TRAP1: variants seen among roughly 807,000 people sequenced by gnomAD.
TRAP1 encodes the protein TNF receptor associated protein 1.
Under a neutral mutation model 89.1 loss-of-function variants are expected in TRAP1, and 102 were observed. That is an observed-to-expected ratio of 1.15 (90% CI 0.98 to 1.35). The LOEUF is 1.35. Among genes scored for constraint, TRAP1 ranks in the 40% most tolerant of loss-of-function variants. TRAP1 has a pLI of 0.00. For synonymous variants in TRAP1, 508 were observed against 388.0 expected, an observed-to-expected ratio of 1.31 and a Z score of -3.64; for missense variants, 1,256 against 945.3, an observed-to-expected ratio of 1.33 and a Z score of -4.31.
Position 3,676,049 on chromosome 16 carries a change from C to T in TRAP1, c.801G>A (p.Glu267=). Residue 267 remains glutamate, a synonymous_variant, in exon 7 of 18, where the codon GAG becomes GAA. Coordinates refer to ENST00000246957, the MANE Select transcript of TRAP1 (RefSeq NM_016292.3). Reference sequence around the variant, plus strand: ...GCTCCCGCTCACCTCGCACCCGGGCCTCGCTGGAAAACTCCTTGCAGTCGG... The same window carrying T: ...GCTCCCGCTCACCTCGCACCCGGGCTTCGCTGGAAAACTCCTTGCAGTCGG... ...LKSDCKEFSS[E]ARVRDVVTKY... is the part of the protein sequence containing the mutation. 6.2e-7 allele frequency: 1 copy of T among 1,613,708 alleles called. No homozygotes were observed. The highest frequency in any genetic ancestry group is 8.5e-7 in the Non-Finnish European group (1 of 1,179,832).
rs1437513612 is a variant in TRAP1 at position 3,663,437 on chromosome 16, C to T, written c.1695G>A (p.Glu565=). 5 of 1,614,008 alleles carry T rather than the reference C, an allele frequency of 3.1e-6. No homozygotes were observed. Among genetic ancestry groups the T allele is most frequent in the Non-Finnish European group, 4.2e-6 (5 of 1,180,014 alleles). Residue 565 remains glutamate (E), a synonymous_variant, in exon 14 of 18, where the codon GAG becomes GAA. Transcript: ENST00000246957. The part of the protein sequence containing the change: ...VVDHYKEEKF[E]DRSPAAECLS... Reference sequence around the variant, plus strand: ...GGGGATGCCGACCTGGGGACCTGTCCTCAAACTTCTCCTCCTTGTAGTGAT... The same window carrying T: ...GGGGATGCCGACCTGGGGACCTGTCTTCAAACTTCTCCTCCTTGTAGTGAT...
intron 1 of TRAP1, among the ~76,000 whole-genome samples, chr16:3,705,931 G>A (rs973949119): frequency 2.0e-5 from 3 of 151,052 alleles, no homozygotes; most frequent in African/African-American, 4.9e-5. Context: ...GACCTCAGGT[G>A]ATCGGCCCAC....
At chr16:3,685,127 AG>A (rs1156652168) in intron 4 of TRAP1, among the ~76,000 whole-genome samples, 1 of 152,210 alleles carries the variant, frequency 6.6e-6, no homozygotes, top group Non-Finnish European at 1.5e-5. Flanking sequence ...AGGAAAGCAC[AG>A]GGCGCTGCAG....
chr16:3,679,690 G>A, intron 5 of TRAP1, 29 bp downstream of exon 5: 6 of 1,613,028 alleles, frequency 3.7e-6, no homozygotes, highest in Non-Finnish European at 5.1e-6. Flanking sequence ...GAGGGGAAGG[G>A]GGAGGCTGTG....
chr16:3,688,085 T>C (rs937815545), intron 3 of TRAP1, among the ~76,000 whole-genome samples: 4 of 152,132 alleles, frequency 2.6e-5, no homozygotes, highest in Admixed American at 1.3e-4. Flanking sequence ...GACTCTCCTT[T>C]GCCTTCCAGC....
chr16:3,679,587 TC>T, intron 5 of TRAP1, 131 bp downstream of exon 5: 1 of 882,396 alleles, frequency 1.1e-6, no homozygotes, highest in Non-Finnish European at 1.8e-6. Context: ...CATGAGGTGT[TC>T]CCACAGTACC....
intron 1 of TRAP1, among the ~76,000 whole-genome samples, chr16:3,714,778 G>T (rs374032831): frequency 6.6e-6 from 1 of 152,204 alleles, no homozygotes; most frequent in South Asian, 2.1e-4. Context: ...CGTAGCATGG[G>T]CGAGAGGATT....
intron 1 of TRAP1, among the ~76,000 whole-genome samples, chr16:3,711,123 C>T (rs761588169): frequency 2.3e-4 from 35 of 151,848 alleles, no homozygotes; most frequent in Admixed American, 1.5e-3. Flanking sequence ...AGGATCCTCC[C>T]GCCGCAGCCC....
chr16:3,687,792 G>A (rs1052526694), intron 3 of TRAP1, among the ~76,000 whole-genome samples: 12 of 147,780 alleles, frequency 8.1e-5, no homozygotes, highest in Admixed American at 2.1e-4. Flanking sequence ...AGGTTGCAGC[G>A]AGCCGAGATC....
intron 1 of TRAP1, among the ~76,000 whole-genome samples, chr16:3,706,755 C>A (rs1182582326): frequency 6.6e-6 from 1 of 152,114 alleles, no homozygotes; most frequent in South Asian, 2.1e-4. Flanking sequence ...CCAACCGCAC[C>A]CAGCCTCGTT....
chr16:3,658,776 T>A lies in TRAP1; in HGVS notation c.2013+17A>T. 6.2e-7 allele frequency: 1 copy of A among 1,611,566 alleles called. No individual in the cohort carries two copies. ...GTAGCCTGGGTCCCTGCAGTCATCC[T>A]AAGCTGCTGCACTCACCTGATCCAC... is the stretch of plus-strand genomic sequence containing the variant. On this transcript the variant is annotated intron_variant, in intron 17 of 17. Coordinates refer to ENST00000246957, the MANE Select transcript of TRAP1 (RefSeq NM_016292.3).
intron 11 of TRAP1, among the ~76,000 whole-genome samples, chr16:3,667,327 G>T (rs906925737): frequency 2.6e-5 from 4 of 152,014 alleles, no homozygotes; most frequent in Non-Finnish European, 5.9e-5. Context: ...ATGGGTAACC[G>T]TGCTAAGAAT....
chr16:3,712,538 C>G (rs1288703984), intron 1 of TRAP1, among the ~76,000 whole-genome samples: 2 of 152,094 alleles, frequency 1.3e-5, no homozygotes, highest in Non-Finnish European at 2.9e-5. Context: ...GGAGATTCCT[C>G]TTTTGTCTTA....
At chr16:3,693,926 G>A (rs1362763348) in intron 1 of TRAP1, among the ~76,000 whole-genome samples, 2 of 151,330 alleles carry the variant, frequency 1.3e-5, no homozygotes, top group African/African-American at 4.9e-5. Context: ...CCAGGATGTT[G>A]AGGCTGTAGT....
intron 4 of TRAP1, among the ~76,000 whole-genome samples, chr16:3,682,613 G>A (rs2051087233): frequency 6.6e-6 from 1 of 152,182 alleles, no homozygotes; most frequent in East Asian, 1.9e-4. Flanking sequence ...GGCTGGTCTT[G>A]AACTCCTGAG....
At chr16:3,713,710 G>C (rs972006571) in intron 1 of TRAP1, among the ~76,000 whole-genome samples, 2 of 152,240 alleles carry the variant, frequency 1.3e-5, no homozygotes, top group Non-Finnish European at 2.9e-5. Flanking sequence ...CCTGACCACA[G>C]AATCACGTTT....
chr16:3,703,952 G>A (rs369306478), intron 1 of TRAP1, among the ~76,000 whole-genome samples: 15 of 149,284 alleles, frequency 1.0e-4, no homozygotes, highest in African/African-American at 3.1e-4. Flanking sequence ...GAGGCGGAGC[G>A]TGCAGTGAGC....
chr16:3,688,875 G>A (rs1314796081), intron 3 of TRAP1, among the ~76,000 whole-genome samples, 180 bp downstream of exon 3: 1 of 152,144 alleles, frequency 6.6e-6, no homozygotes, highest in Non-Finnish European at 1.5e-5. Context: ...CACTTATCCA[G>A]GAAACCAAAA....
At position 3,675,223 on chromosome 16, in the gene TRAP1, ACT is replaced by A. The variant is rs1022364966; in HGVS notation, c.888+99_888+100del. Reference sequence around the variant, plus strand: ...TCTCCACAGAGCAGCTCGCCCTGTGACTCTGGGCCGCATCCCCTGGGCTCATC... The same window carrying A: ...TCTCCACAGAGCAGCTCGCCCTGTGACTGGGCCGCATCCCCTGGGCTCATC... On this transcript the variant is annotated intron_variant, in intron 8 of 17. Coordinates refer to ENST00000246957, the MANE Select transcript of TRAP1 (RefSeq NM_016292.3). 10 of 1,162,464 alleles carry A rather than the reference ACT, an allele frequency of 8.6e-6. No homozygotes were observed. The African/African-American group carries it at 1.4e-4, about 16-fold the overall frequency. 72.0% of individuals were successfully genotyped at this position (1,162,464 alleles called of 1,614,324 possible). A position where few individuals can be genotyped will look rare whatever the true frequency, so the allele number is the denominator to read the frequency against.
Sources: gnomAD v4.1 joint callset for allele counts (sites outside exome capture counted in the v4.1 genomes callset) on GRCh38, gnomAD v4.1.1 for gene constraint, MANE v1.5 for transcripts, NCBI Gene and HGNC (gene_info 2026-07-23, HGNC 2026-07-21) for gene names.